The following PAX7 variants were observed in gnomAD, a reference collection of about 807,000 sequenced individuals.
PAX7 encodes paired box protein Pax-7.
Under a neutral mutation model 50.7 loss-of-function variants are expected in PAX7, and 18 were observed. That is an observed-to-expected ratio of 0.36 (90% confidence interval 0.25 to 0.53). The LOEUF is 0.53. PAX7 is among the 20% of genes least tolerant of loss of function. The pLI is 0.93. For synonymous variants in PAX7, 310 were observed against 290.4 expected (o/e 1.07, Z -0.69); for missense variants, 644 against 702.9 (o/e 0.92, Z 0.95).
At chr1:18,712,213 C>T (rs1057218627) in intron 7 of PAX7, among the ~76,000 whole-genome samples, 2 of 152,124 alleles carry the variant, frequency 1.3e-5, no homozygotes, top group African/African-American at 4.8e-5. Flanking sequence ...TCAGCCCTTC[C>T]AGAACCTGGG....
chr1:18,716,795 C>G (rs2089429410), intron 7 of PAX7, among the ~76,000 whole-genome samples: 1 of 152,012 alleles, frequency 6.6e-6, no homozygotes, highest in Admixed American at 6.5e-5. Context: ...CTCTCTCATT[C>G]CGCACCCAAC....
At position 18,720,020 on chromosome 1, in the gene PAX7, G is replaced by GGCA. The variant is rs138005147; in HGVS notation, c.1156-15611_1156-15609dup. Among the ~76,000 whole-genome samples the GGCA allele has an allele frequency of 1.9e-4, 29 of 152,286 alleles. No individual in the cohort carries two copies. The East Asian group carries it at 5.6e-3, about 30-fold the overall frequency. ...AGGTGAGCCCCGTGGTCAGCAGCAA[G>GGCA]GCACAATGTTGGAACCAAAACCCTT... On this transcript the variant is annotated intron_variant, in intron 7 of 8. Coordinates refer to ENST00000420770, the MANE Select transcript of PAX7 (RefSeq NM_001135254.2).
rs577294906 is a variant in PAX7, at chr1:18,636,866, C to T, written c.586+495C>T. Reference sequence around the variant, plus strand: ...CTCTCTAAACGGTCCCTTGAAACCCCGCCTGACAGTTGACTGACCGCTGCA... The same window carrying T: ...CTCTCTAAACGGTCCCTTGAAACCCTGCCTGACAGTTGACTGACCGCTGCA... On this transcript the variant is annotated intron_variant, in intron 4 of 8. Coordinates refer to ENST00000420770, the MANE Select transcript of PAX7 (RefSeq NM_001135254.2). The surrounding 1 kb of genome is among the most constrained non-coding windows in gnomAD (Gnocchi z 5.1). Among the ~76,000 whole-genome samples the T allele has an allele frequency of 6.6e-6, 1 of 152,298 alleles. No homozygotes were observed. The highest frequency in any genetic ancestry group is 1.9e-4 in the East Asian group (1 of 5,164).
intron 7 of PAX7, among the ~76,000 whole-genome samples, chr1:18,717,036 TCCGCCG>T: frequency 6.7e-6 from 1 of 149,458 alleles, no homozygotes; most frequent in South Asian, 2.2e-4. Context: ...CTCCCCGCGC[TCCGCCG>T]CCGCCGCCGT....
rs1411249550 is a variant in PAX7, at chr1:18,634,982, G to C, written c.322-129G>C. The stretch of plus-strand genomic sequence containing the variant: ...TTGAAAGGATAAAGCCAATCTCTTG[G>C]GGGATGGGGGGACACAAGGTAACCA... On this transcript the variant is annotated intron_variant, in intron 2 of 8. Coordinates refer to ENST00000420770, the MANE Select transcript of PAX7 (RefSeq NM_001135254.2). The surrounding 1 kb of genome is among the most constrained non-coding windows in gnomAD (Gnocchi z 4.0). 4.3e-6 allele frequency: 5 copies of C among 1,175,034 alleles called. No homozygotes were observed. The highest frequency in any genetic ancestry group is 4.7e-6 in the Non-Finnish European group (4 of 848,260). 72.8% of individuals were successfully genotyped at this position (1,175,034 alleles called of 1,614,324 possible).
chr1:18,664,329 G>C (rs1222480785), intron 4 of PAX7, among the ~76,000 whole-genome samples: 3 of 152,234 alleles, frequency 2.0e-5, no homozygotes, highest in African/African-American at 7.2e-5. Context: ...GCCCCTGTCA[G>C]CCTATGGCCA....
intron 4 of PAX7, among the ~76,000 whole-genome samples, chr1:18,673,537 A>G (rs1351769227): frequency 6.6e-6 from 1 of 152,200 alleles, no homozygotes; most frequent in Non-Finnish European, 1.5e-5. Context: ...TGTTTATTTG[A>G]TCAAGATTCA....
At position 18,745,718 on chromosome 1, in the gene PAX7, C is replaced by A. The variant is rs186572332; in HGVS notation, c.*789C>A. 4.3e-6 allele frequency: 1 copy of A among 231,412 alleles called. No homozygotes were observed. Among genetic ancestry groups the A allele is most frequent in the African/African-American group, 2.2e-5 (1 of 45,244 alleles). The allele number at this position is 231,412 out of a possible 1,614,324, so 14.3% of individuals were successfully genotyped here. A position where few individuals can be genotyped will look rare whatever the true frequency, so the allele number is the denominator to read the frequency against. On this transcript the variant is annotated 3_prime_UTR_variant, in exon 9 of 9. Coordinates refer to ENST00000420770, the MANE Select transcript of PAX7 (RefSeq NM_001135254.2). ...CTCAGGCTTCTGGAAGCAGAGGGCT[C>A]TTATCCTGAAGCCCAAGTTCCCAGC...
chr1:18,746,063 C>T lies in PAX7; in HGVS notation c.*1134C>T, dbSNP rs1453028585. 8.6e-6 allele frequency: 2 copies of T among 231,718 alleles called. No homozygotes were observed. Among genetic ancestry groups the T allele is most frequent in the Non-Finnish European group, 1.7e-5 (2 of 117,122 alleles). 14.4% of individuals were successfully genotyped at this position (231,718 alleles called of 1,614,324 possible). A position where few individuals can be genotyped will look rare whatever the true frequency, so the allele number is the denominator to read the frequency against. ...AGAGGTCTCCATCTTCCCCAAACCC[C>T]TTTCAGTTTGTGGGGATGCAGAGAG... On this transcript the variant is annotated 3_prime_UTR_variant, in exon 9 of 9. Transcript: ENST00000420770.
intron 4 of PAX7, among the ~76,000 whole-genome samples, chr1:18,639,939 T>C (rs942866845): frequency 1.4e-4 from 19 of 133,294 alleles, no homozygotes; most frequent in African/African-American, 4.9e-4. Flanking sequence ...GTTACAAGAT[T>C]AGAAAAAAGA....
rs527428393 is a variant in PAX7, at chr1:18,747,141, G to A, written c.*2212G>A. ...TGAATGGCCAATCCTTCCATCTGGA[G>A]GCCTGGCTCAGAAAGTATCTGAGTA... On this transcript the variant is annotated 3_prime_UTR_variant, in exon 9 of 9. Coordinates refer to ENST00000420770, the MANE Select transcript of PAX7 (RefSeq NM_001135254.2). 3 of 229,968 alleles carry A rather than the reference G, an allele frequency of 1.3e-5. No individual in the cohort carries two copies. The highest frequency in any genetic ancestry group is 6.2e-5 in the East Asian group (1 of 16,172). The allele number at this position is 229,968 out of a possible 1,614,324, so 14.2% of individuals were successfully genotyped here.
At chr1:18,677,384 C>T (rs904128818) in intron 4 of PAX7, among the ~76,000 whole-genome samples, 4 of 152,182 alleles carry the variant, frequency 2.6e-5, no homozygotes, top group Non-Finnish European at 5.9e-5. Context: ...ACCCATCTTT[C>T]GGAGAGTGGG....
intron 7 of PAX7, among the ~76,000 whole-genome samples, chr1:18,734,696 A>T (rs1015885791): frequency 6.6e-6 from 1 of 151,926 alleles, no homozygotes; most frequent in African/African-American, 2.4e-5. Context: ...CCATGTCTCT[A>T]TGATCTTTGC....
chr1:18,732,593 G>A (rs2089659782), intron 7 of PAX7, among the ~76,000 whole-genome samples: 1 of 152,250 alleles, frequency 6.6e-6, no homozygotes, highest in South Asian at 2.1e-4. Flanking sequence ...ATAGCTGGAA[G>A]GTAAAGTGCA....
In PAX7 at chr1:18,745,840, G is replaced by C. The variant is rs1931417606; in HGVS notation, c.*911G>C. On this transcript the variant is annotated 3_prime_UTR_variant, in exon 9 of 9. Transcript: ENST00000420770. ...GATGGGGAGGGGATAAAGTCTTGAG[G>C]ATACATGAGTGGAGGAGCAGGAAGT... 1 of 232,368 alleles carries C rather than the reference G, an allele frequency of 4.3e-6. No homozygotes were observed. Among genetic ancestry groups the C allele is most frequent in the African/African-American group, 2.2e-5 (1 of 45,292 alleles). 14.4% of individuals were successfully genotyped at this position (232,368 alleles called of 1,614,324 possible). A position where few individuals can be genotyped will look rare whatever the true frequency, so the allele number is the denominator to read the frequency against.
At chr1:18,727,184 A>G (rs897012763) in intron 7 of PAX7, among the ~76,000 whole-genome samples, 6 of 152,130 alleles carry the variant, frequency 3.9e-5, no homozygotes, top group African/African-American at 1.4e-4. Context: ...TCCCATGCAC[A>G]TATAACACAC....
At chr1:18,719,422 A>G (rs1338376306) in intron 7 of PAX7, among the ~76,000 whole-genome samples, 1 of 152,086 alleles carries the variant, frequency 6.6e-6, no homozygotes, top group African/African-American at 2.4e-5. Context: ...GGAATAGGAG[A>G]CAGTGTGCGC....
chr1:18,697,237 T>C (rs1466672087), intron 5 of PAX7, among the ~76,000 whole-genome samples: 2 of 152,132 alleles, frequency 1.3e-5, no homozygotes, highest in East Asian at 3.9e-4. Flanking sequence ...GGATCAGAAA[T>C]GAAGAATAAA....
chr1:18,663,064 A>G (rs1469217532), intron 4 of PAX7, among the ~76,000 whole-genome samples: 1 of 152,204 alleles, frequency 6.6e-6, no homozygotes, highest in Non-Finnish European at 1.5e-5. Flanking sequence ...ACATCTATAC[A>G]TATGTTTATT....
Sources: allele counts gnomAD v4.1 joint callset (sites outside exome capture counted in the v4.1 genomes callset), GRCh38; gene constraint gnomAD v4.1.1; non-coding constraint Gnocchi (gnomAD v3.1); transcripts MANE v1.5; gene names NCBI Gene and HGNC (gene_info 2026-07-23, HGNC 2026-07-21).